Variants in CRYBA1 observed in about 807,000 individuals in gnomAD.
CRYBA1 encodes crystallin beta A1.
Under a neutral mutation model 36.2 loss-of-function variants are expected in CRYBA1, and 25 were observed. That is an observed-to-expected ratio of 0.69 (90% CI 0.50 to 0.97). The LOEUF (loss-of-function observed/expected upper bound fraction) is 0.97. Among genes scored for constraint, CRYBA1 ranks in the 50% least tolerant of loss-of-function variants. CRYBA1 has a pLI of 0.00. For missense variants in CRYBA1, 224 were observed against 276.3 expected, an observed-to-expected ratio of 0.81 and a Z score of 1.34; for synonymous variants, 111 against 90.0, an observed-to-expected ratio of 1.23 and a Z score of -1.32.
Position 29,249,221 on chromosome 17 carries a change from A to C in CRYBA1, c.96+15A>C. 1 of 1,570,888 alleles carries C rather than the reference A, an allele frequency of 6.4e-7. No individual in the cohort carries two copies. Among genetic ancestry groups the C allele is most frequent in the Non-Finnish European group, 8.8e-7 (1 of 1,140,670 alleles). ...GGCCATGGAAGGTAAGCCCACCCCCATCACATCCAACAGGGCAGGGGTGAC... is the reference window on the plus strand; with the variant it reads ...GGCCATGGAAGGTAAGCCCACCCCCCTCACATCCAACAGGGCAGGGGTGAC... On this transcript the variant is annotated intron_variant, in intron 2 of 5. Transcript: ENST00000225387.
intron 4 of CRYBA1, among the ~76,000 whole-genome samples, chr17:29,253,004 T>C (rs1183125978): frequency 6.6e-6 from 1 of 152,216 alleles, no homozygotes; most frequent in Non-Finnish European, 1.5e-5. Flanking sequence ...ATAACTGACA[T>C]ACAGTAAAAT....
intron 4 of CRYBA1, 148 bp from the exon 5 acceptor site, chr17:29,253,492 C>CT (rs1179790062): frequency 7.9e-6 from 5 of 635,464 alleles, no homozygotes; most frequent in Non-Finnish European, 1.0e-5. Flanking sequence ...TTATGGGTAA[C>CT]TTTTTTCTCA....
At chr17:29,249,084 C>G in intron 1 of CRYBA1, 58 bp from the exon 2 acceptor site, 34 of 1,115,160 alleles carry the variant, frequency 3.0e-5, no homozygotes, top group Non-Finnish European at 4.3e-5. Context: ...TCAAGGCATT[C>G]CCTCACCTCC....
chr17:29,251,542 G>T (rs1027472573), intron 3 of CRYBA1, among the ~76,000 whole-genome samples: 3 of 151,858 alleles, frequency 2.0e-5, no homozygotes, highest in Non-Finnish European at 4.4e-5. Flanking sequence ...GCCCAGGCTG[G>T]AGTGCAGTGG....
rs774362602 is a variant in CRYBA1, at chr17:29,253,794, A to C, written c.500+12A>C. On this transcript the variant is annotated intron_variant, in intron 5 of 5. Coordinates refer to ENST00000225387, the MANE Select transcript of CRYBA1 (RefSeq NM_005208.5). ...ATACAAAGTGGGGCGTAAGTACAAAAACAGGGTTGGAATATACTTCAAAGT... is the reference window on the plus strand; with the variant it reads ...ATACAAAGTGGGGCGTAAGTACAAACACAGGGTTGGAATATACTTCAAAGT... The C allele has an allele frequency of 5.6e-6, 9 of 1,614,056 alleles. No individual in the cohort carries two copies. In the African/African-American group the frequency reaches 1.2e-4, roughly 22 times the overall value.
chr17:29,246,932 C>A, intron 1 of CRYBA1, 38 bp downstream of exon 1: 1 of 1,589,426 alleles, frequency 6.3e-7, no homozygotes. Flanking sequence ...CCCTTCCTCT[C>A]CTTGCCCTGC....
At chr17:29,251,018 T>A (rs1345912466) in intron 3 of CRYBA1, among the ~76,000 whole-genome samples, 1 of 152,206 alleles carries the variant, frequency 6.6e-6, no homozygotes, top group African/African-American at 2.4e-5. Context: ...TTAAAAGATG[T>A]AACACTTTAA....
intron 3 of CRYBA1, among the ~76,000 whole-genome samples, chr17:29,251,275 G>T (rs1389200504): frequency 1.3e-5 from 2 of 152,128 alleles, no homozygotes; most frequent in Non-Finnish European, 2.9e-5. Flanking sequence ...TGAAAGAATT[G>T]TCTTGGGCCA....
chr17:29,250,416 G>A (rs991648949), intron 3 of CRYBA1, 116 bp downstream of exon 3: 1 of 772,374 alleles, frequency 1.3e-6, no homozygotes, highest in Middle Eastern at 3.6e-4. Context: ...TCATTTCTCG[G>A]AGACAGGCCT....
At chr17:29,252,041 C>A (rs201195784) in intron 3 of CRYBA1, 23 bp from the exon 4 acceptor site, 1 of 1,614,180 alleles carries the variant, frequency 6.2e-7, no homozygotes. Flanking sequence ...ACACCATGAA[C>A]AAACACTACA....
At chr17:29,253,296 T>G (rs2068947232) in intron 4 of CRYBA1, among the ~76,000 whole-genome samples, 1 of 152,204 alleles carries the variant, frequency 6.6e-6, no homozygotes, top group Non-Finnish European at 1.5e-5. Context: ...CACACATACA[T>G]ATTTGGGCTT....
At chr17:29,248,563 C>T (rs1329377647) in intron 1 of CRYBA1, among the ~76,000 whole-genome samples, 4 of 149,464 alleles carry the variant, frequency 2.7e-5, no homozygotes, top group Non-Finnish European at 4.4e-5. Flanking sequence ...CGGGGTTTCA[C>T]CACGTTGGCC....
chr17:29,253,879 A>G, intron 5 of CRYBA1, 97 bp downstream of exon 5: 1 of 1,414,148 alleles, frequency 7.1e-7, no homozygotes, highest in Non-Finnish European at 9.8e-7. Flanking sequence ...ATCGGTATAG[A>G]TGTCACATTC....
rs2068949168 is a variant in CRYBA1, at chr17:29,253,623, C to T, written c.358-17C>T. On this transcript the variant is annotated splice_polypyrimidine_tract_variant and intron_variant, in intron 4 of 5. Coordinates refer to ENST00000225387, the MANE Select transcript of CRYBA1 (RefSeq NM_005208.5). ...AGCACTAGTACTAAACATTTTAAAA[C>T]AATTTCTGAATTACAGAATCATAAG... 1 of 1,606,796 alleles carries T rather than the reference C, an allele frequency of 6.2e-7. No homozygotes were observed. Among genetic ancestry groups the T allele is most frequent in the African/African-American group, 1.3e-5 (1 of 74,740 alleles).
intron 2 of CRYBA1, 122 bp downstream of exon 2, chr17:29,249,328 G>A (rs2068921505): frequency 1.4e-6 from 1 of 705,876 alleles, no homozygotes; most frequent in Non-Finnish European, 2.5e-6. Context: ...GTAGGGGAAA[G>A]GTCCACACAA....
chr17:29,249,974 T>A (rs1461167274), intron 2 of CRYBA1, among the ~76,000 whole-genome samples: 1 of 152,188 alleles, frequency 6.6e-6, no homozygotes, highest in Admixed American at 6.5e-5. Context: ...TCCCTCCACC[T>A]CATCCCTACT....
Position 29,246,909 on chromosome 17 carries a change from C to A in CRYBA1, c.31+15C>A. On this transcript the variant is annotated intron_variant, in intron 1 of 5. Transcript: ENST00000225387. ...GCAGGAGCTGGGTGAGTAAGGCCCT[C>A]AGGGTGCCCTTGCCCTTCCTCTCCT... 4.4e-6 allele frequency: 7 copies of A among 1,608,090 alleles called. No individual in the cohort carries two copies. The highest frequency in any genetic ancestry group is 5.9e-6 in the Non-Finnish European group (7 of 1,177,772).
At chr17:29,252,965 A>G (rs2068945178) in intron 4 of CRYBA1, among the ~76,000 whole-genome samples, 1 of 152,248 alleles carries the variant, frequency 6.6e-6, no homozygotes, top group African/African-American at 2.4e-5. Flanking sequence ...TCTCACTTTT[A>G]AAAACATTTC....
chr17:29,251,398 T>G (rs1375886504), intron 3 of CRYBA1, among the ~76,000 whole-genome samples: 3 of 152,096 alleles, frequency 2.0e-5, no homozygotes, highest in African/African-American at 4.8e-5. Context: ...TGTCCTGAGC[T>G]GCATGCAGCC....
Sources: allele counts gnomAD v4.1 joint callset (sites outside exome capture counted in the v4.1 genomes callset), GRCh38; gene constraint gnomAD v4.1.1; transcripts MANE v1.5; gene names NCBI Gene and HGNC (gene_info 2026-07-23, HGNC 2026-07-21).